The following NHS variants were observed in gnomAD, a reference collection of about 807,000 sequenced individuals.
The protein encoded by NHS is actin remodeling regulator NHS.
A neutral mutation model predicts 72.5 loss-of-function variants in NHS; 5 were observed. The ratio of observed to expected loss-of-function variants is 0.07; its 90% confidence interval spans 0.04 to 0.14. NHS has a LOEUF of 0.14. Among genes scored for constraint, NHS ranks in the 10% least tolerant of loss-of-function variants. NHS has a pLI of 1.00. For missense variants in NHS, 1,072 were observed against 1,355.7 expected, an observed-to-expected ratio of 0.79 and a Z score of 3.29; for synonymous variants, 464 against 547.7, an observed-to-expected ratio of 0.85 and a Z score of 2.13.
At chrX:17,553,002 C>A (rs187576751) in intron 1 of NHS, among the ~76,000 whole-genome samples, 2 of 113,048 alleles carry the variant, frequency 1.8e-5, no homozygotes, top group East Asian at 5.6e-4. Flanking sequence ...ACCAACTCAT[C>A]CTGGTTTGCC....
Position 17,728,609 on chromosome X carries a change from G to A in NHS, c.4223-40G>A, listed in dbSNP as rs374875031. On this transcript the variant is annotated intron_variant, in intron 7 of 8. Coordinates refer to ENST00000676302, the MANE Select transcript of NHS (RefSeq NM_001291867.2). Reference sequence around the variant, plus strand: ...GTCAGTGAAGTACAGTAGCGTGCTGGGTAACTTCCTCTTAAAGATTCTTCT... The same window carrying A: ...GTCAGTGAAGTACAGTAGCGTGCTGAGTAACTTCCTCTTAAAGATTCTTCT... 1.4e-5 allele frequency: 17 copies of A among 1,202,742 alleles called. No homozygotes were observed. The Admixed American group carries it at 3.7e-4, about 26-fold the overall frequency.
intron 1 of NHS, chrX:17,687,132 A>G (rs925693434): frequency 8.2e-6 from 1 of 121,244 alleles, no homozygotes; most frequent in African/African-American, 3.2e-5. Context: ...TTTAATGCGT[A>G]TGCTCACCCC....
At chrX:17,531,979 C>T (rs976147936) in intron 1 of NHS, among the ~76,000 whole-genome samples, 1 of 111,184 alleles carries the variant, frequency 9.0e-6, no homozygotes, top group Admixed American at 9.6e-5. Flanking sequence ...TCCTGCTAGA[C>T]TGTAAGTTTC....
chrX:17,529,629 T>C (rs185335333), intron 1 of NHS, among the ~76,000 whole-genome samples: 1 of 111,735 alleles, frequency 8.9e-6, no homozygotes, highest in Non-Finnish European at 1.9e-5. Context: ...AAAACAGAAA[T>C]GAGACCGTAC....
At chrX:17,439,699 G>C (rs2064743021) in intron 1 of NHS, among the ~76,000 whole-genome samples, 1 of 111,939 alleles carries the variant, frequency 8.9e-6, no homozygotes, top group Admixed American at 9.5e-5. Context: ...CACTTCAGAT[G>C]CTTCTAGTTT....
At chrX:17,623,414 G>A (rs1400819428) in intron 1 of NHS, among the ~76,000 whole-genome samples, 3 of 111,738 alleles carry the variant, frequency 2.7e-5, no homozygotes, top group Non-Finnish European at 3.8e-5. Flanking sequence ...TGGTGGAGTC[G>A]TGCTAGACAG....
At chrX:17,522,489 AG>A (rs2065153166) in intron 1 of NHS, among the ~76,000 whole-genome samples, 1 of 31,964 alleles carries the variant, frequency 3.1e-5, no homozygotes, top group African/African-American at 1.0e-4. Flanking sequence ...AGTAGCCAGA[AG>A]CCGCCCCCCC....
intron 1 of NHS, among the ~76,000 whole-genome samples, chrX:17,399,906 A>G (rs1381882435): frequency 8.9e-6 from 1 of 112,078 alleles, no homozygotes; most frequent in Non-Finnish European, 1.9e-5. Context: ...CTAGGAGTAG[A>G]AGGGAATTTC....
At chrX:17,587,047 G>A in intron 1 of NHS, 1 of 112,236 alleles carries the variant, frequency 8.9e-6, no homozygotes, top group East Asian at 2.8e-4. Context: ...TCTAGGAGAA[G>A]ATAGAAATAC....
At chrX:17,507,996 G>C (rs931396731) in intron 1 of NHS, among the ~76,000 whole-genome samples, 2 of 111,619 alleles carry the variant, frequency 1.8e-5, no homozygotes, top group Non-Finnish European at 3.8e-5. Flanking sequence ...TAGTAAGCCT[G>C]AGGTTGTTAT....
intron 1 of NHS, among the ~76,000 whole-genome samples, chrX:17,642,676 A>AT (rs2065887881): frequency 8.9e-6 from 1 of 111,983 alleles, no homozygotes; most frequent in Non-Finnish European, 1.9e-5. Flanking sequence ...CTGATTTACA[A>AT]TTTCAGTAGT....
intron 1 of NHS, among the ~76,000 whole-genome samples, chrX:17,476,456 G>T (rs1378212743): frequency 9.0e-6 from 1 of 111,719 alleles, no homozygotes; most frequent in Non-Finnish European, 1.9e-5. Context: ...TGGGCACATA[G>T]TGGGATTCAG....
At chrX:17,656,392 G>T (rs764448021) in intron 1 of NHS, among the ~76,000 whole-genome samples, 1 of 113,200 alleles carries the variant, frequency 8.8e-6, no homozygotes, top group Non-Finnish European at 1.9e-5. Context: ...AGCCTGGGGG[G>T]AGGGGGTATG....
chrX:17,405,693 A>G (rs1311031506), intron 1 of NHS, among the ~76,000 whole-genome samples: 1 of 112,275 alleles, frequency 8.9e-6, no homozygotes, highest in African/African-American at 3.2e-5. Flanking sequence ...AGGAGTGAGG[A>G]CTGCTTCCTG....
chrX:17,430,390 TCTTTCTTTCTC>T (rs1172219971), intron 1 of NHS, among the ~76,000 whole-genome samples: 222 of 99,813 alleles, frequency 2.2e-3, no homozygotes, highest in Non-Finnish European at 3.8e-3. Flanking sequence ...CTTTCTTTTT[TCTTTCTTTCTC>T]CTTTCTTTCT....
rs1400197672 is a variant in NHS, at chrX:17,464,948, G to A, written c.565+88626G>A. 3.6e-5 allele frequency among the ~76,000 whole-genome samples: 4 copies of A among 112,200 alleles called. No individual in the cohort carries two copies. The East Asian group carries it at 8.4e-4, about 24-fold the overall frequency. On this transcript the variant is annotated intron_variant, in intron 1 of 8. Transcript: ENST00000676302. ...AAATACCAGCCTGCCAAACCAAGGC[G>A]GGCATGATCTCTGATGCTCTAGCTG...
chrX:17,663,344 A>G (rs2065992407), intron 1 of NHS, among the ~76,000 whole-genome samples: 1 of 111,757 alleles, frequency 8.9e-6, no homozygotes, highest in Non-Finnish European at 1.9e-5. Flanking sequence ...ACAAGATATA[A>G]TGCATTTCCA....
chrX:17,395,948 G>A (rs899427339), intron 1 of NHS, among the ~76,000 whole-genome samples: 13 of 112,168 alleles, frequency 1.2e-4, no homozygotes, highest in African/African-American at 4.2e-4. Context: ...CTGTGCATTG[G>A]TATAGCAAAC....
intron 1 of NHS, among the ~76,000 whole-genome samples, chrX:17,530,566 G>A (rs186863526): frequency 5.4e-5 from 6 of 111,416 alleles, no homozygotes; most frequent in Non-Finnish European, 5.6e-5. Context: ...ACTGCTGACC[G>A]ACTGAATCTG....
Sources: allele counts gnomAD v4.1 joint callset (sites outside exome capture counted in the v4.1 genomes callset), GRCh38; gene constraint gnomAD v4.1.1; transcripts MANE v1.5; gene names NCBI Gene and HGNC (gene_info 2026-07-23, HGNC 2026-07-21).